PRDM16: variants seen among roughly 807,000 people sequenced by gnomAD.
PRDM16 encodes histone-lysine N-methyltransferase PRDM16.
PRDM16 carries 23 observed loss-of-function variants against 110.6 expected under a neutral mutation model. The observed-to-expected ratio is 0.21, with a 90% CI of 0.15 to 0.29. PRDM16 has a LOEUF of 0.29. PRDM16 is among the 10% of genes least tolerant of loss of function. PRDM16 has a pLI of 1.00. For synonymous variants in PRDM16, 799 were observed against 781.8 expected (o/e 1.02, Z -0.37); for missense variants, 1,615 against 1,794.3 (o/e 0.90, Z 1.81).
intron 3 of PRDM16, among the ~76,000 whole-genome samples, chr1:3,292,571 A>C (rs1450240236): frequency 6.6e-6 from 1 of 152,058 alleles, no homozygotes; most frequent in Non-Finnish European, 1.5e-5. Context: ...CGCTGTCCGG[A>C]TGAGAGTGGC....
intron 4 of PRDM16, chr1:3,386,922 A>C (rs1643210652): frequency 1.3e-5 from 2 of 152,238 alleles, no homozygotes; most frequent in Non-Finnish European, 2.9e-5. Flanking sequence ...AACTAAACTT[A>C]AGCGGTAAAG....
intron 1 of PRDM16, among the ~76,000 whole-genome samples, chr1:3,126,084 A>G (rs1361901160): frequency 2.0e-5 from 3 of 152,198 alleles, no homozygotes; most frequent in Non-Finnish European, 2.9e-5. Flanking sequence ...TCCCTCTTGC[A>G]ATCTGTGAAT....
At chr1:3,418,105 A>T in intron 11 of PRDM16, 108 bp downstream of exon 11, 1 of 914,354 alleles carries the variant, frequency 1.1e-6, no homozygotes, top group East Asian at 2.7e-5. Flanking sequence ...CGGCCATAGG[A>T]AAGCACAGCA....
intron 8 of PRDM16, among the ~76,000 whole-genome samples, chr1:3,410,075 CA>C (rs1643657713): frequency 1.7e-5 from 2 of 115,898 alleles, no homozygotes; most frequent in Non-Finnish European, 3.5e-5. Context: ...TGTGTATGTG[CA>C]TGTGTATGAA....
At chr1:3,140,730 T>G (rs902973719) in intron 1 of PRDM16, among the ~76,000 whole-genome samples, 4 of 152,102 alleles carry the variant, frequency 2.6e-5, no homozygotes, top group African/African-American at 9.7e-5. Flanking sequence ...GGTGTGAGGG[T>G]GGGGCCACAG....
At position 3,181,809 on chromosome 1, in the gene PRDM16, GTCTTACACATGCGGTCTTACACATTC is replaced by G. The variant is rs1391179849; in HGVS notation, c.38-4315_38-4290del. 6.2e-4 allele frequency among the ~76,000 whole-genome samples: 21 copies of G among 33,736 alleles called. 1 individual carries two copies. Among genetic ancestry groups the G allele is most frequent in the Non-Finnish European group, 8.8e-4 (7 of 7,962 alleles). 22.1% of individuals were successfully genotyped at this position (33,736 alleles called of 152,430 possible). A position where few individuals can be genotyped will look rare whatever the true frequency, so the allele number is the denominator to read the frequency against. On this transcript the variant is annotated intron_variant, in intron 1 of 16. Transcript: ENST00000270722. The stretch of plus-strand genomic sequence containing the variant: ...TCTTACACATGCAGTCTTACACACG[GTCTTACACATGCGGTCTTACACATTC>G]AGTCTTACACACGGTCTTACACACG...
chr1:3,335,636 CACACA>C (rs1557617163), intron 3 of PRDM16, among the ~76,000 whole-genome samples: 6 of 152,060 alleles, frequency 3.9e-5, no homozygotes, highest in Non-Finnish European at 5.9e-5. Context: ...CACACACACA[CACACA>C]CCCTTGGACA....
At chr1:3,212,010 C>T (rs1023071833) in intron 2 of PRDM16, among the ~76,000 whole-genome samples, 3 of 152,166 alleles carry the variant, frequency 2.0e-5, no homozygotes, top group East Asian at 1.9e-4. Context: ...GCGAGTTCTC[C>T]GGGTGGATTA....
At chr1:3,142,440 T>C (rs949038864) in intron 1 of PRDM16, among the ~76,000 whole-genome samples, 1 of 151,922 alleles carries the variant, frequency 6.6e-6, no homozygotes, top group Non-Finnish European at 1.5e-5. Flanking sequence ...GGTCCTCAGC[T>C]GCTCCATCAA....
At chr1:3,142,118 A>G (rs1643562605) in intron 1 of PRDM16, among the ~76,000 whole-genome samples, 1 of 152,088 alleles carries the variant, frequency 6.6e-6, no homozygotes, top group Non-Finnish European at 1.5e-5. Context: ...GAGCTGCCCC[A>G]GCCTCCATCG....
At chr1:3,220,183 G>A (rs1005497983) in intron 2 of PRDM16, among the ~76,000 whole-genome samples, 10 of 152,130 alleles carry the variant, frequency 6.6e-5, no homozygotes, top group East Asian at 1.9e-4. Flanking sequence ...TGCCCACGCC[G>A]TCACTCCGTC....
intron 4 of PRDM16, among the ~76,000 whole-genome samples, chr1:3,389,701 C>T (rs1343043983): frequency 6.6e-6 from 1 of 152,228 alleles, no homozygotes; most frequent in Non-Finnish European, 1.5e-5. Context: ...CTTCCGAGGC[C>T]AAGGGTCCCG....
intron 3 of PRDM16, among the ~76,000 whole-genome samples, chr1:3,264,528 C>CA (rs1640241479): frequency 6.7e-6 from 1 of 148,824 alleles, no homozygotes; most frequent in South Asian, 2.2e-4. Context: ...TCTGAGAACC[C>CA]CGGGCCAGGA....
At chr1:3,396,384 G>T (rs1304412432) in intron 4 of PRDM16, 107 bp from the exon 5 acceptor site, 10 of 733,688 alleles carry the variant, frequency 1.4e-5, no homozygotes, top group Non-Finnish European at 2.5e-5. Context: ...GGAAAATCAA[G>T]TGCAGGCCGA....
intron 3 of PRDM16, among the ~76,000 whole-genome samples, chr1:3,313,896 G>T (rs1641528042): frequency 6.6e-6 from 1 of 152,272 alleles, no homozygotes; most frequent in Non-Finnish European, 1.5e-5. Context: ...GAGCGAATGT[G>T]AACACTGTTC....
At chr1:3,253,387 T>C (rs2100226703) in intron 3 of PRDM16, among the ~76,000 whole-genome samples, 1 of 115,184 alleles carries the variant, frequency 8.7e-6, no homozygotes, top group East Asian at 2.9e-4. Flanking sequence ...GTCCCCAGAG[T>C]GTGATGTTCC....
chr1:3,070,734 G>C (rs545007768), intron 1 of PRDM16, among the ~76,000 whole-genome samples: 1 of 152,032 alleles, frequency 6.6e-6, no homozygotes, highest in Non-Finnish European at 1.5e-5. Context: ...CCCTCGGCTC[G>C]GGGCCCGCCC....
chr1:3,314,633 G>T (rs998944585), intron 3 of PRDM16, among the ~76,000 whole-genome samples: 12 of 151,980 alleles, frequency 7.9e-5, no homozygotes, highest in Admixed American at 7.2e-4. Context: ...AAGGCTGGGG[G>T]TTTTTGTGTG....
intron 2 of PRDM16, among the ~76,000 whole-genome samples, chr1:3,233,517 C>G (rs1187381572): frequency 2.0e-5 from 3 of 152,224 alleles, no homozygotes; most frequent in Admixed American, 2.0e-4. Context: ...CCCCTGCTCA[C>G]AGACACTGGC....
Sources: gnomAD v4.1 joint callset for allele counts (sites outside exome capture counted in the v4.1 genomes callset) on GRCh38, gnomAD v4.1.1 for gene constraint, MANE v1.5 for transcripts, NCBI Gene and HGNC (gene_info 2026-07-23, HGNC 2026-07-21) for gene names.